The following TSHR variants were observed in gnomAD, a reference collection of about 807,000 sequenced individuals.
TSHR encodes the protein thyrotropin receptor.
In TSHR, 51 loss-of-function variants were observed where a neutral mutation model predicts 64.1. The ratio of observed to expected loss-of-function variants is 0.80; its 90% CI spans 0.64 to 1.01. The LOEUF (loss-of-function observed/expected upper bound fraction) is 1.01. Among genes scored for constraint, TSHR ranks in the 50% least tolerant of loss-of-function variants. TSHR has a pLI of 0.00. For missense variants in TSHR, 877 were observed against 942.8 expected, an observed-to-expected ratio of 0.93 and a Z score of 0.91; for synonymous variants, 361 against 361.9, an observed-to-expected ratio of 1.00 and a Z score of 0.03.
At chr14:81,053,537 G>T (rs895944418) in intron 1 of TSHR, 2 of 152,186 alleles carry the variant, frequency 1.3e-5, no homozygotes, top group Non-Finnish European at 1.5e-5. Context: ...ACCTACTTGT[G>T]TGACTACAAG....
intron 5 of TSHR, among the ~76,000 whole-genome samples, 195 bp from the exon 6 acceptor site, chr14:81,092,336 A>G (rs1168219787): frequency 6.6e-6 from 1 of 152,138 alleles, no homozygotes; most frequent in Non-Finnish European, 1.5e-5. Flanking sequence ...CTCCAGGTGC[A>G]TGTCATCTAG....
At chr14:81,052,860 C>T (rs980884894) in intron 1 of TSHR, 16 of 151,942 alleles carry the variant, frequency 1.1e-4, no homozygotes, top group Admixed American at 1.1e-3. Flanking sequence ...TATAGAAACA[C>T]TATTAAATTT....
At chr14:81,049,446 A>G (rs1214532350) in intron 1 of TSHR, 14 of 152,214 alleles carry the variant, frequency 9.2e-5, no homozygotes. Flanking sequence ...ACTTTATTAA[A>G]TGAATTTGAG....
At chr14:81,048,303 G>T (rs1023979231) in intron 1 of TSHR, among the ~76,000 whole-genome samples, 1 of 152,006 alleles carries the variant, frequency 6.6e-6, no homozygotes, top group Admixed American at 6.6e-5. Context: ...CAATAAGGTC[G>T]TTTTGTTATA....
intron 7 of TSHR, chr14:81,102,806 G>C (rs1889670412): frequency 2.0e-6 from 2 of 985,396 alleles, no homozygotes; most frequent in Non-Finnish European, 2.4e-6. Flanking sequence ...GGCGAAATAT[G>C]TACTCTGTTT....
chr14:81,067,926 A>AATATATATATATATATATATAT (rs1566790843), intron 2 of TSHR, among the ~76,000 whole-genome samples: 4 of 41,336 alleles, frequency 9.7e-5, no homozygotes, highest in African/African-American at 8.4e-4. Context: ...ACAGGGTGAC[A>AATATATATATATATATATATAT]CTATATATAT....
At chr14:80,967,283 A>AATT (rs1491461256) in intron 1 of TSHR, among the ~76,000 whole-genome samples, 15 of 111,884 alleles carry the variant, frequency 1.3e-4, no homozygotes, top group Admixed American at 4.0e-4. Flanking sequence ...CCTGACTTAC[A>AATT]TTTTTTTTTT....
At chr14:81,051,869 A>G (rs1287813358) in intron 1 of TSHR, 3 of 152,088 alleles carry the variant, frequency 2.0e-5, no homozygotes, top group African/African-American at 7.2e-5. Context: ...TCATTTGCCC[A>G]TTTTTAATAC....
At chr14:81,137,754 T>G (rs1178165933) in intron 8 of TSHR, among the ~76,000 whole-genome samples, 1 of 152,252 alleles carries the variant, frequency 6.6e-6, no homozygotes, top group African/African-American at 2.4e-5. Flanking sequence ...CTGAAATAAT[T>G]ACTAACATGT....
chr14:81,067,863 C>T lies in TSHR; in HGVS notation c.243-391C>T, dbSNP rs550703667. On this transcript the variant is annotated intron_variant, in intron 2 of 9. Transcript: ENST00000298171. ...ATGTCTAGTAACACGGAATTAGACA[C>T]GTAGTTTCAAAGAAGATGAAGAGAA... Among the ~76,000 whole-genome samples, 14 of 143,520 alleles carry T rather than the reference C, an allele frequency of 9.8e-5. No individual in the cohort carries two copies. The South Asian group carries it at 1.9e-3, about 20-fold the overall frequency. The allele number at this position is 143,520 out of a possible 152,430, so 94.2% of individuals were successfully genotyped here.
intron 8 of TSHR, among the ~76,000 whole-genome samples, chr14:81,122,074 T>C (rs1301603438): frequency 9.6e-6 from 1 of 103,756 alleles, no homozygotes; most frequent in East Asian, 3.5e-4. Flanking sequence ...GACGAAGTCT[T>C]GCTCTGTCAC....
At chr14:81,125,889 C>T (rs1190588072) in intron 8 of TSHR, among the ~76,000 whole-genome samples, 1 of 151,788 alleles carries the variant, frequency 6.6e-6, no homozygotes, top group East Asian at 1.9e-4. Context: ...TCTCCAGAGG[C>T]ACAGCAAAGG....
rs1375214320 is a variant in TSHR, at chr14:81,072,922, G to A, written c.317+4594G>A. ...TGAGGCAGGAGAATGGCGTGAACCC[G>A]GGAGGCGGAGCTTGCAGTGAGCCGA... On this transcript the variant is annotated intron_variant, in intron 3 of 9. Transcript: ENST00000298171. Among the ~76,000 whole-genome samples the A allele has an allele frequency of 4.7e-3, 615 of 131,178 alleles. 34 individuals are homozygous for A. Among genetic ancestry groups the A allele is most frequent in the African/African-American group, 0.018 (558 of 30,442 alleles). The allele number at this position is 131,178 out of a possible 152,430, so 86.1% of individuals were successfully genotyped here. A position where few individuals can be genotyped will look rare whatever the true frequency, so the allele number is the denominator to read the frequency against.
chr14:81,144,589 A>G lies in TSHR; in HGVS notation c.*236A>G, dbSNP rs764371947. 7.9e-5 allele frequency: 46 copies of G among 578,844 alleles called. No individual in the cohort carries two copies. The highest frequency in any genetic ancestry group is 1.2e-4 in the Non-Finnish European group (40 of 326,158). The allele number at this position is 578,844 out of a possible 1,614,324, so 35.9% of individuals were successfully genotyped here. ...ATATTTGAATGCCAGGTGAAATCAAAATAATCTACACTATCTAGAAGACTT... is the reference window on the plus strand; with the variant it reads ...ATATTTGAATGCCAGGTGAAATCAAGATAATCTACACTATCTAGAAGACTT... On this transcript the variant is annotated 3_prime_UTR_variant, in exon 10 of 10. Coordinates refer to ENST00000298171, the MANE Select transcript of TSHR (RefSeq NM_000369.5).
chr14:81,093,378 T>G (rs1888907187), intron 6 of TSHR, among the ~76,000 whole-genome samples: 1 of 152,244 alleles, frequency 6.6e-6, no homozygotes, highest in Admixed American at 6.5e-5. Flanking sequence ...TCCAAGCTGG[T>G]AGAAAGTTCC....
intron 1 of TSHR, among the ~76,000 whole-genome samples, chr14:81,022,877 G>C (rs1282045875): frequency 6.6e-6 from 1 of 152,078 alleles, no homozygotes; most frequent in Non-Finnish European, 1.5e-5. Context: ...CATGAAGGTG[G>C]AGCGCTCATT....
intron 1 of TSHR, among the ~76,000 whole-genome samples, chr14:81,054,936 A>T (rs1237168323): frequency 1.3e-5 from 2 of 152,188 alleles, no homozygotes; most frequent in African/African-American, 4.8e-5. Context: ...TGCATAAGTA[A>T]TGAGGAGCTG....
rs145360831 is a variant in TSHR at position 81,077,056 on chromosome 14, T to C, written c.317+8728T>C. Among the ~76,000 whole-genome samples, 667 of 152,274 alleles carry C rather than the reference T, an allele frequency of 4.4e-3. 8 individuals are homozygous for C. Among genetic ancestry groups the C allele is most frequent in the African/African-American group, 0.016 (655 of 41,558 alleles). ...CTCTCTCTCTCTTTGCCTAGTTAACTCTACTGATTATTTTTTCAGCCTAAT... is the reference window on the plus strand; with the variant it reads ...CTCTCTCTCTCTTTGCCTAGTTAACCCTACTGATTATTTTTTCAGCCTAAT... On this transcript the variant is annotated intron_variant, in intron 3 of 9. Coordinates refer to ENST00000298171, the MANE Select transcript of TSHR (RefSeq NM_000369.5).
intron 3 of TSHR, among the ~76,000 whole-genome samples, chr14:81,072,625 A>G (rs1047188317): frequency 1.3e-5 from 2 of 152,182 alleles, no homozygotes; most frequent in East Asian, 1.9e-4. Context: ...CATTAACTGC[A>G]TTAAATGTAA....
Sources: allele counts gnomAD v4.1 joint callset (sites outside exome capture counted in the v4.1 genomes callset), GRCh38; gene constraint gnomAD v4.1.1; transcripts MANE v1.5; gene names NCBI Gene and HGNC (gene_info 2026-07-23, HGNC 2026-07-21).